The following HMGB1 variants were observed in gnomAD, a reference collection of about 807,000 sequenced individuals.
HMGB1 encodes high mobility group protein B1.
For synonymous variants in HMGB1, 81 were observed against 84.0 expected (o/e 0.96, Z 0.19); for missense variants, 79 against 253.5 (o/e 0.31, Z 4.67).
rs9579575 is a variant in HMGB1 at position 30,457,367 on chromosome 13, G to T, written c.*3990C>A. 101,397 of 152,054 alleles carry T rather than the reference G, an allele frequency of 0.67. 34,472 individuals are homozygous for T. Among genetic ancestry groups the T allele is most frequent in the South Asian group, 0.84 (4,027 of 4,822 alleles). 9.4% of individuals were successfully genotyped at this position (152,054 alleles called of 1,614,324 possible). The stretch of plus-strand genomic sequence containing the variant: ...CTGCTCATGCTCACTTACAGGTTTA[G>T]TCATACTATTGCAGATTTTATTCCT... On this transcript the variant is annotated 3_prime_UTR_variant, in exon 5 of 5. Coordinates refer to ENST00000341423, the MANE Select transcript of HMGB1 (RefSeq NM_002128.7).
At chr13:30,546,409 C>T (rs1000620553) in intron 1 of HMGB1, among the ~76,000 whole-genome samples, 3 of 152,154 alleles carry the variant, frequency 2.0e-5, no homozygotes, top group Admixed American at 6.6e-5. Context: ...CCACTGAGCC[C>T]GGCCAACCTC....
intron 1 of HMGB1, among the ~76,000 whole-genome samples, chr13:30,585,221 G>A (rs1871092193): frequency 6.6e-6 from 1 of 152,040 alleles, no homozygotes; most frequent in South Asian, 2.1e-4. Flanking sequence ...GCTAAGGTGG[G>A]AGGGTCACCT....
At chr13:30,502,727 C>T (rs1057284167) in intron 1 of HMGB1, among the ~76,000 whole-genome samples, 3 of 151,632 alleles carry the variant, frequency 2.0e-5, no homozygotes, top group Non-Finnish European at 4.4e-5. Context: ...GGCACAATCC[C>T]GGCTCACTGC....
intron 1 of HMGB1, among the ~76,000 whole-genome samples, chr13:30,552,506 C>G (rs907371386): frequency 1.1e-4 from 17 of 152,348 alleles, no homozygotes; most frequent in African/African-American, 3.1e-4. Flanking sequence ...CCCACACCCC[C>G]TCTCTGTCCA....
At chr13:30,580,456 T>C (rs1870850437) in intron 1 of HMGB1, among the ~76,000 whole-genome samples, 1 of 152,232 alleles carries the variant, frequency 6.6e-6, no homozygotes, top group Non-Finnish European at 1.5e-5. Context: ...ACATCAGCTA[T>C]GGCTTGTTTT....
At position 30,538,599 on chromosome 13, in the gene HMGB1, TTTTC is replaced by T. The variant is rs1332312388; in HGVS notation, c.-14-74909_-14-74906del. 6.8e-4 allele frequency among the ~76,000 whole-genome samples: 96 copies of T among 140,590 alleles called. 3 individuals are homozygous for T. Among genetic ancestry groups the T allele is most frequent in the East Asian group, 3.8e-3 (19 of 5,008 alleles). 92.2% of individuals were successfully genotyped at this position (140,590 alleles called of 152,430 possible). ...TTCTTTCTTTCTTTTTCTTTCTTCT[TTTTC>T]TTTCTTTCTCTTTCTCTCTCTCTTT... On this transcript the variant is annotated intron_variant, in intron 1 of 4. Transcript: ENST00000405805.
chr13:30,547,936 G>T (rs1869239008), intron 1 of HMGB1, among the ~76,000 whole-genome samples: 1 of 152,026 alleles, frequency 6.6e-6, no homozygotes, highest in Admixed American at 6.6e-5. Context: ...AAAGATATGG[G>T]TTAGTCAATA....
chr13:30,494,069 AG>A (rs1393333154), intron 1 of HMGB1, among the ~76,000 whole-genome samples: 1 of 152,114 alleles, frequency 6.6e-6, no homozygotes, highest in African/African-American at 2.4e-5. Context: ...AACTCAGTAA[AG>A]TTGTTATTTT....
intron 1 of HMGB1, among the ~76,000 whole-genome samples, chr13:30,562,027 T>G (rs1869975024): frequency 1.3e-5 from 2 of 152,108 alleles, no homozygotes; most frequent in African/African-American, 4.8e-5. Flanking sequence ...TATACAGAAG[T>G]TGTGATATAC....
intron 1 of HMGB1, among the ~76,000 whole-genome samples, chr13:30,579,433 A>C (rs1193374065): frequency 2.0e-5 from 3 of 152,224 alleles, no homozygotes; most frequent in African/African-American, 7.2e-5. Flanking sequence ...AAAACACTGC[A>C]TATGGTCATT....
intron 1 of HMGB1, among the ~76,000 whole-genome samples, chr13:30,594,376 G>A (rs189611164): frequency 2.0e-4 from 31 of 152,098 alleles, no homozygotes; most frequent in African/African-American, 3.4e-4. Flanking sequence ...CCTCCCTCCC[G>A]CTCTCCCTCC....
intron 1 of HMGB1, among the ~76,000 whole-genome samples, chr13:30,591,507 AT>A (rs201803303): frequency 0.021 from 2,906 of 139,622 alleles, 67 homozygotes; most frequent in African/African-American, 0.062. Context: ...AGCACCAGGG[AT>A]TTTTTTTTTT....
At chr13:30,568,647 G>T (rs147361817) in intron 1 of HMGB1, among the ~76,000 whole-genome samples, 2 of 152,330 alleles carry the variant, frequency 1.3e-5, no homozygotes, top group African/African-American at 4.8e-5. Flanking sequence ...GACAGACACA[G>T]AGGGGAGGGC....
intron 1 of HMGB1, among the ~76,000 whole-genome samples, chr13:30,606,727 G>T (rs1388109585): frequency 1.3e-5 from 2 of 152,192 alleles, no homozygotes; most frequent in Non-Finnish European, 2.9e-5. Context: ...TCTACAACTG[G>T]TCACTCATCT....
At chr13:30,487,961 T>C (rs1031421080) in intron 1 of HMGB1, among the ~76,000 whole-genome samples, 5 of 152,190 alleles carry the variant, frequency 3.3e-5, no homozygotes, top group African/African-American at 1.2e-4. Flanking sequence ...GGGAAAAAAA[T>C]TATACTCTTA....
Position 30,585,535 on chromosome 13 carries a change from G to A in HMGB1, c.-15+31136C>T, listed in dbSNP as rs537340075. 1.1e-4 allele frequency among the ~76,000 whole-genome samples: 16 copies of A among 151,946 alleles called. No individual in the cohort carries two copies. The South Asian group carries it at 2.7e-3, about 26-fold the overall frequency. ...AAAAATGCAAAATACAAAATAAGCC[G>A]GGAGTGGTGGCGCATGCCTGTAATC... On this transcript the variant is annotated intron_variant, in intron 1 of 4. Transcript: ENST00000405805.
At chr13:30,537,701 T>C (rs1868520971) in intron 1 of HMGB1, among the ~76,000 whole-genome samples, 1 of 100,908 alleles carries the variant, frequency 9.9e-6, no homozygotes, top group African/African-American at 3.1e-5. Flanking sequence ...ATATATAAAA[T>C]TGATGTATCC....
At chr13:30,492,529 G>T (rs1050833648) in intron 1 of HMGB1, among the ~76,000 whole-genome samples, 1 of 152,082 alleles carries the variant, frequency 6.6e-6, no homozygotes, top group Non-Finnish European at 1.5e-5. Flanking sequence ...GCTCAATATT[G>T]TTAGTTATCT....
chr13:30,519,509 C>A (rs983646887), intron 1 of HMGB1, among the ~76,000 whole-genome samples: 2 of 148,422 alleles, frequency 1.3e-5, no homozygotes, highest in African/African-American at 2.5e-5. Flanking sequence ...TCCCGGCTAA[C>A]ACAGTGAAAC....
Sources: allele counts gnomAD v4.1 joint callset (sites outside exome capture counted in the v4.1 genomes callset), GRCh38; gene constraint gnomAD v4.1.1; transcripts MANE v1.5; gene names NCBI Gene and HGNC (gene_info 2026-07-23, HGNC 2026-07-21).